Variants in SPAG6 observed in about 807,000 individuals in gnomAD.
SPAG6 encodes the protein sperm-associated antigen 6.
SPAG6 carries 49 observed loss-of-function variants against 58.5 expected under a neutral mutation model. The observed-to-expected ratio is 0.84, with a 90% CI of 0.67 to 1.06. The LOEUF is 1.06. Ranked by LOEUF, SPAG6 falls within the 50% of genes least tolerant of loss-of-function variation. The probability of loss-of-function intolerance (pLI) is 0.00; values close to 1 mark genes in which losing one functional copy is unlikely to be tolerated. For missense variants in SPAG6, 560 were observed against 611.3 expected (o/e 0.92, Z 0.89); for synonymous variants, 233 against 225.6 (o/e 1.03, Z -0.29).
intron 2 of SPAG6, among the ~76,000 whole-genome samples, chr10:22,358,482 C>G (rs918257844): frequency 1.3e-5 from 2 of 151,872 alleles, no homozygotes; most frequent in African/African-American, 4.8e-5. Context: ...TGGATATTAG[C>G]CCTTTGTCAG....
intron 2 of SPAG6, among the ~76,000 whole-genome samples, chr10:22,349,453 AAATTTCAGC>A (rs1836658118): frequency 6.6e-6 from 1 of 152,216 alleles, no homozygotes; most frequent in East Asian, 1.9e-4. Flanking sequence ...ACCAATTGTA[AAATTTCAGC>A]AATTGGAGGT....
At position 22,391,834 on chromosome 10, in the gene SPAG6, G is replaced by T. The variant is rs749967665; in HGVS notation, c.1111G>T (p.Ala371Ser). ...GATTGGAAGACACACTCCTGAACAC[G>T]CACGGGCTGTTGCAGTCACAAATAC... ...GQIGRHTPEHARAVAVTNTLP... is the reference protein window; with the variant it reads ...GQIGRHTPEHSRAVAVTNTLP... Residue 371 changes from alanine (A) to serine (S), a missense_variant, in exon 8 of 11, where the codon GCA becomes TCA. Ala to Ser is a moderately conservative substitution (Grantham distance 99, BLOSUM62 1). Transcript: ENST00000376624. The T allele has an allele frequency of 1.2e-6, 2 of 1,613,414 alleles. No individual in the cohort carries two copies. Among genetic ancestry groups the T allele is most frequent in the East Asian group, 2.2e-5 (1 of 44,880 alleles).
chr10:22,413,782 T>C (rs1834803478), intron 10 of SPAG6, among the ~76,000 whole-genome samples: 2 of 151,806 alleles, frequency 1.3e-5, no homozygotes, highest in Admixed American at 6.6e-5. Flanking sequence ...TCGTATTTTA[T>C]AGAAATCTTG....
intron 4 of SPAG6, among the ~76,000 whole-genome samples, chr10:22,377,884 A>G (rs558379382): frequency 6.6e-6 from 1 of 152,262 alleles, no homozygotes; most frequent in Admixed American, 6.5e-5. Flanking sequence ...CTTACCTAGC[A>G]CTGGGCTGGA....
intron 2 of SPAG6, among the ~76,000 whole-genome samples, chr10:22,352,814 A>G (rs990283081): frequency 2.6e-5 from 4 of 152,236 alleles, no homozygotes; most frequent in Admixed American, 2.0e-4. Flanking sequence ...CAGCAACAAA[A>G]TATTTATTAT....
intron 2 of SPAG6, among the ~76,000 whole-genome samples, chr10:22,364,395 G>A (rs1201397139): frequency 1.3e-5 from 2 of 152,130 alleles, no homozygotes; most frequent in African/African-American, 4.8e-5. Context: ...AATATGATGA[G>A]CACTAGTAGT....
chr10:22,382,754 CATTT>C (rs902826277), intron 4 of SPAG6, among the ~76,000 whole-genome samples: 1 of 151,988 alleles, frequency 6.6e-6, no homozygotes, highest in Non-Finnish European at 1.5e-5. Context: ...AAAAATTTTA[CATTT>C]GTTTATTTCT....
At chr10:22,350,826 G>A (rs1836707094) in intron 2 of SPAG6, among the ~76,000 whole-genome samples, 2 of 138,692 alleles carry the variant, frequency 1.4e-5, no homozygotes, top group South Asian at 2.1e-4. Context: ...TCCATGCATA[G>A]CATAATCAAA....
At chr10:22,378,550 A>G (rs1403506800) in intron 4 of SPAG6, among the ~76,000 whole-genome samples, 5 of 152,106 alleles carry the variant, frequency 3.3e-5, no homozygotes, top group Admixed American at 6.5e-5. Context: ...ATTACTTTGT[A>G]AAGATGTAAT....
In SPAG6 at chr10:22,386,959, G is replaced by C; in HGVS notation, c.678G>C (p.Lys226Asn). ...TCCTGAACCCTGATGCTAAATTGAAGGTATTTCAAAATAAGGTTGAAAAAT... is the reference window on the plus strand; with the variant it reads ...TCCTGAACCCTGATGCTAAATTGAACGTATTTCAAAATAAGGTTGAAAAAT... ...QMILNPDAKL[K>N]HQILSALSQV... The change falls in exon 5 of 11, where the codon AAG (lysine) becomes AAC (asparagine). Residue 226 changes from lysine (K) to asparagine (N), a missense_variant and splice_region_variant. Lys to Asn is a moderately conservative substitution (Grantham distance 94, BLOSUM62 0). Transcript: ENST00000376624. 5.0e-6 allele frequency: 8 copies of C among 1,611,086 alleles called. No individual in the cohort carries two copies. The highest frequency in any genetic ancestry group is 5.9e-6 in the Non-Finnish European group (7 of 1,177,930).
chr10:22,356,323 A>C (rs934130879), intron 2 of SPAG6, among the ~76,000 whole-genome samples: 1 of 152,204 alleles, frequency 6.6e-6, no homozygotes, highest in African/African-American at 2.4e-5. Flanking sequence ...CATTTATATC[A>C]ATCTATGTGA....
At chr10:22,362,258 A>T (rs1837066750) in intron 2 of SPAG6, among the ~76,000 whole-genome samples, 1 of 149,418 alleles carries the variant, frequency 6.7e-6, no homozygotes, top group South Asian at 2.1e-4. Flanking sequence ...AACAAAATAA[A>T]AAGCCCAGAA....
At chr10:22,348,236 G>A (rs1564358111) in intron 2 of SPAG6, among the ~76,000 whole-genome samples, 1 of 152,150 alleles carries the variant, frequency 6.6e-6, no homozygotes, top group African/African-American at 2.4e-5. Context: ...TGATCCACCC[G>A]CCTTGGCCTC....
In SPAG6 at chr10:22,345,650, G is replaced by C. The variant is rs1474372929; in HGVS notation, c.25+14G>C. On this transcript the variant is annotated intron_variant, in intron 1 of 10. Coordinates refer to ENST00000376624, the MANE Select transcript of SPAG6 (RefSeq NM_012443.4). The surrounding 1 kb of genome is among the most constrained non-coding windows in gnomAD (Gnocchi z 6.3). ...AGGTGCTGCAAGGTAGGGCCGAGGC[G>C]GGCAGGTGCCCTAACTAGCTGGCGC... 1.3e-6 allele frequency: 2 copies of C among 1,553,388 alleles called. No homozygotes were observed. The highest frequency in any genetic ancestry group is 4.0e-5 in the Admixed American group (2 of 49,866).
At chr10:22,416,440 T>C (rs1466592854) in intron 10 of SPAG6, among the ~76,000 whole-genome samples, 179 bp from the exon 11 acceptor site, 1 of 152,224 alleles carries the variant, frequency 6.6e-6, no homozygotes, top group Non-Finnish European at 1.5e-5. Context: ...TATGAATTCG[T>C]ATTTTCCTCC....
intron 4 of SPAG6, among the ~76,000 whole-genome samples, chr10:22,372,935 A>G (rs1050511819): frequency 1.3e-5 from 2 of 152,176 alleles, no homozygotes; most frequent in Admixed American, 1.3e-4. Flanking sequence ...TTACACAGCA[A>G]TTTACGGTGG....
chr10:22,401,107 G>C, intron 8 of SPAG6, 54 bp from the exon 9 acceptor site: 5 of 798,092 alleles, frequency 6.3e-6, no homozygotes, highest in Non-Finnish European at 1.1e-5. Context: ...TTGAATTCTT[G>C]TCAAGGTTTC....
intron 8 of SPAG6, among the ~76,000 whole-genome samples, chr10:22,392,308 C>G (rs1372853999): frequency 6.6e-6 from 1 of 152,122 alleles, no homozygotes; most frequent in African/African-American, 2.4e-5. Context: ...TATCATATAA[C>G]TAGTCAGAGG....
At position 22,391,931 on chromosome 10, in the gene SPAG6, A is replaced by C; in HGVS notation, c.1197+11A>C. On this transcript the variant is annotated intron_variant, in intron 8 of 10. Transcript: ENST00000376624. ...GATCTCCAAGTAAAAGTAAGTGCTT[A>C]ATTCTGTTTTATGAAGATTTTGGCT... is the stretch of plus-strand genomic sequence containing the variant. 6.3e-7 allele frequency: 1 copy of C among 1,588,528 alleles called. No homozygotes were observed. The highest frequency in any genetic ancestry group is 8.6e-7 in the Non-Finnish European group (1 of 1,161,918).
Sources: gnomAD v4.1 joint callset for allele counts (sites outside exome capture counted in the v4.1 genomes callset) on GRCh38, gnomAD v4.1.1 for gene constraint, Gnocchi (gnomAD v3.1) non-coding constraint, MANE v1.5 for transcripts, NCBI Gene and HGNC (gene_info 2026-07-23, HGNC 2026-07-21) for gene names.